Variants in SERINC5 observed in about 807,000 individuals in gnomAD.
SERINC5 encodes chromosome 5 open reading frame 12.
Under a neutral mutation model 63.1 loss-of-function variants are expected in SERINC5, and 41 were observed. The ratio of observed to expected loss-of-function variants is 0.65; its 90% CI spans 0.51 to 0.84. SERINC5 has a LOEUF of 0.84. Among genes scored for constraint, SERINC5 ranks in the 40% least tolerant of loss-of-function variants. SERINC5 has a pLI of 0.00. For missense variants in SERINC5, 523 were observed against 573.0 expected, an observed-to-expected ratio of 0.91 and a Z score of 0.89; for synonymous variants, 222 against 215.2, an observed-to-expected ratio of 1.03 and a Z score of -0.28.
Position 80,178,081 on chromosome 5 carries a change from G to C in SERINC5, c.196-17C>G. Reference sequence around the variant, plus strand: ...AAAAGGAATCTGAGGAGAAAGTTTAGAAAAGTCATCTGTTACAACTGAGTG... The same window carrying C: ...AAAAGGAATCTGAGGAGAAAGTTTACAAAAGTCATCTGTTACAACTGAGTG... On this transcript the variant is annotated splice_polypyrimidine_tract_variant and intron_variant, in intron 2 of 11. Transcript: ENST00000507668. The C allele has an allele frequency of 6.4e-7, 1 of 1,570,718 alleles. No homozygotes were observed. The highest frequency in any genetic ancestry group is 8.6e-7 in the Non-Finnish European group (1 of 1,157,830).
At chr5:80,173,423 G>C (rs530034473) in intron 5 of SERINC5, among the ~76,000 whole-genome samples, 3 of 151,918 alleles carry the variant, frequency 2.0e-5, no homozygotes, top group Non-Finnish European at 2.9e-5. Context: ...GTGAAACCCC[G>C]TCTCTACTAA....
chr5:80,122,197 G>GTATATATATATA (rs10700420), intron 11 of SERINC5, among the ~76,000 whole-genome samples: 7,133 of 116,588 alleles, frequency 0.061, 503 homozygotes, highest in African/African-American at 0.15. Flanking sequence ...AGAACTAATA[G>GTATATATATATA]TATATATATA....
At chr5:80,191,892 A>G (rs1749213797) in intron 2 of SERINC5, among the ~76,000 whole-genome samples, 2 of 152,194 alleles carry the variant, frequency 1.3e-5, no homozygotes, top group African/African-American at 4.8e-5. Context: ...TGTTCAGGTC[A>G]CTGACGTTTC....
Position 80,202,872 on chromosome 5 carries a change from A to G in SERINC5, c.195+14T>C. Reference sequence around the variant, plus strand: ...ACATCGGAAATAGGACGAGCTGAACACGGACAAACTTACGTGCTCTTTCAT... The same window carrying G: ...ACATCGGAAATAGGACGAGCTGAACGCGGACAAACTTACGTGCTCTTTCAT... On this transcript the variant is annotated intron_variant, in intron 2 of 11. Coordinates refer to ENST00000507668, the MANE Select transcript of SERINC5 (RefSeq NM_001174072.3). 1 of 1,601,596 alleles carries G rather than the reference A, an allele frequency of 6.2e-7. No individual in the cohort carries two copies. The highest frequency in any genetic ancestry group is 8.5e-7 in the Non-Finnish European group (1 of 1,170,590).
intron 2 of SERINC5, among the ~76,000 whole-genome samples, chr5:80,187,241 C>A (rs934438119): frequency 3.3e-5 from 5 of 152,154 alleles, no homozygotes; most frequent in South Asian, 4.1e-4. Context: ...TATCAAATTT[C>A]AAAGAAAGCT....
chr5:80,198,730 C>G, intron 2 of SERINC5: 1 of 985,058 alleles, frequency 1.0e-6, no homozygotes, highest in South Asian at 4.7e-5. Flanking sequence ...AGCCTCTCTT[C>G]TGTAGGCCAC....
intron 8 of SERINC5, 108 bp downstream of exon 8, chr5:80,158,728 C>A: frequency 9.7e-7 from 1 of 1,034,340 alleles, no homozygotes; most frequent in East Asian, 2.4e-5. Context: ...GGTTATTTTC[C>A]CCCCTCCTCA....
intron 6 of SERINC5, among the ~76,000 whole-genome samples, chr5:80,167,766 T>C (rs1580098988): frequency 6.6e-6 from 1 of 152,214 alleles, no homozygotes; most frequent in African/African-American, 2.4e-5. Context: ...TCAAGGAAAC[T>C]AAGGGTTCAG....
downstream of SERINC5, among the ~76,000 whole-genome samples, chr5:80,111,326 G>C (rs1360936642): frequency 1.3e-5 from 2 of 152,122 alleles, no homozygotes; most frequent in East Asian, 3.9e-4. Context: ...TTATACTTTG[G>C]TTTAGAGAGG....
At chr5:80,204,423 T>C (rs983003076) in intron 1 of SERINC5, among the ~76,000 whole-genome samples, 2 of 152,310 alleles carry the variant, frequency 1.3e-5, no homozygotes, top group African/African-American at 4.8e-5. Flanking sequence ...TCACACCACT[T>C]TACCAACGTA....
At chr5:80,173,266 GA>G (rs1561393190) in intron 5 of SERINC5, among the ~76,000 whole-genome samples, 2 of 145,836 alleles carry the variant, frequency 1.4e-5, no homozygotes, top group Non-Finnish European at 3.0e-5. Flanking sequence ...AGGAAGGAAG[GA>G]AGGAAGGAAG....
At chr5:80,163,285 G>T (rs543253787) in intron 7 of SERINC5, among the ~76,000 whole-genome samples, 1 of 152,020 alleles carries the variant, frequency 6.6e-6, no homozygotes, top group African/African-American at 2.4e-5. Flanking sequence ...CAACAAACAC[G>T]ACAATTTGAC....
At chr5:80,208,251 C>T (rs1447204565) in intron 1 of SERINC5, among the ~76,000 whole-genome samples, 5 of 151,616 alleles carry the variant, frequency 3.3e-5, no homozygotes, top group African/African-American at 1.2e-4. Context: ...TCGATTCTAA[C>T]AAATGTACCA....
chr5:80,212,625 G>A lies in SERINC5; in HGVS notation c.28-9572C>T, dbSNP rs1313591318. 2.2e-5 allele frequency among the ~76,000 whole-genome samples: 3 copies of A among 136,606 alleles called. No homozygotes were observed. In the Admixed American group the frequency reaches 2.3e-4, roughly 10 times the overall value. The allele number at this position is 136,606 out of a possible 152,430, so 89.6% of individuals were successfully genotyped here. ...TCAGAAATAGCTTCCACTGAGCTTAGACAGACCTTTCTTCCCACTACAAAA... is the reference window on the plus strand; with the variant it reads ...TCAGAAATAGCTTCCACTGAGCTTAAACAGACCTTTCTTCCCACTACAAAA... On this transcript the variant is annotated intron_variant, in intron 1 of 11. Transcript: ENST00000507668.
intron 11 of SERINC5, among the ~76,000 whole-genome samples, chr5:80,132,662 A>G (rs1744994947): frequency 6.6e-6 from 1 of 151,574 alleles, no homozygotes; most frequent in Non-Finnish European, 1.5e-5. Context: ...TCAAGATCTC[A>G]TTATGTTGCT....
chr5:80,133,049 G>A (rs1745009324), intron 11 of SERINC5, among the ~76,000 whole-genome samples: 1 of 152,158 alleles, frequency 6.6e-6, no homozygotes, highest in African/African-American at 2.4e-5. Context: ...GCTTGGTGCT[G>A]TCTTCGCAAT....
intron 10 of SERINC5, 50 bp downstream of exon 10, chr5:80,147,195 A>G (rs1180323031): frequency 6.6e-7 from 1 of 1,506,832 alleles, no homozygotes; most frequent in Non-Finnish European, 9.1e-7. Context: ...GATTAGAGTT[A>G]TAGGTCTGCA....
At chr5:80,143,957 C>T (rs576919707) in intron 11 of SERINC5, 147 bp from the exon 12 acceptor site, 28 of 935,448 alleles carry the variant, frequency 3.0e-5, no homozygotes, top group South Asian at 2.7e-4. Flanking sequence ...TACCCATTTC[C>T]AAACATTCTC....
rs575618869 is a variant in SERINC5 at position 80,139,801 on chromosome 5, T to C, written c.*3862A>G. ...AAGAAGGAGGGCCCAGTGTTCTTTC[T>C]GGGTGTGTAAGGTCTTACTTAGTTC... On this transcript the variant is annotated 3_prime_UTR_variant, in exon 12 of 12. Transcript: ENST00000507668. The C allele has an allele frequency of 7.1e-6, 7 of 985,350 alleles. No homozygotes were observed. The highest frequency in any genetic ancestry group is 8.4e-6 in the Non-Finnish European group (7 of 829,962). The allele number at this position is 985,350 out of a possible 1,614,324, so 61.0% of individuals were successfully genotyped here.
Sources: allele counts gnomAD v4.1 joint callset (sites outside exome capture counted in the v4.1 genomes callset), GRCh38; gene constraint gnomAD v4.1.1; transcripts MANE v1.5; gene names NCBI Gene and HGNC (gene_info 2026-07-23, HGNC 2026-07-21).